CCDC7: variants seen among roughly 807,000 people sequenced by gnomAD.
CCDC7 encodes coiled-coil domain containing 7.
In CCDC7, 183 loss-of-function variants were observed where a neutral mutation model predicts 196.9. The observed-to-expected ratio is 0.93, with a 90% CI of 0.82 to 1.05. The LOEUF (loss-of-function observed/expected upper bound fraction) is 1.05, where lower values mean the gene tolerates loss of function less well. Among genes scored for constraint, CCDC7 ranks in the 50% least tolerant of loss-of-function variants. CCDC7 has a pLI of 0.00. For synonymous variants in CCDC7, 525 were observed against 484.6 expected (o/e 1.08, Z -1.10); for missense variants, 1,540 against 1,482.2 (o/e 1.04, Z -0.64).
chr10:32,845,510 C>T (rs1368976747), intron 34 of CCDC7, 33 bp from the exon 36 acceptor site: 5 of 1,526,634 alleles, frequency 3.3e-6, no homozygotes, highest in African/African-American at 2.8e-5. Flanking sequence ...GATAATCTTA[C>T]AAAATATACT....
At chr10:32,672,702 C>A (rs1182381719) in intron 21 of CCDC7, among the ~76,000 whole-genome samples, 2 of 152,118 alleles carry the variant, frequency 1.3e-5, no homozygotes, top group East Asian at 3.9e-4. Flanking sequence ...GGCTGATGCC[C>A]ATAGCCTCCA....
At chr10:32,745,307 G>T (rs570147121) in intron 28 of CCDC7, among the ~76,000 whole-genome samples, 3 of 152,236 alleles carry the variant, frequency 2.0e-5, no homozygotes, top group East Asian at 3.9e-4. Flanking sequence ...TGCTATAAAA[G>T]AATATCTGAG....
At chr10:32,565,567 C>T (rs780986035) in exon 14 of CCDC7, 21 of 1,607,654 alleles carry the variant, frequency 1.3e-5, no homozygotes, top group African/African-American at 2.7e-5. Context: ...GAAAGTAGCA[C>T]GTCTGGAAAT....
chr10:32,500,912 G>A (rs930226507), intron 9 of CCDC7, among the ~76,000 whole-genome samples: 6 of 152,162 alleles, frequency 3.9e-5, no homozygotes, highest in African/African-American at 1.2e-4. Flanking sequence ...CAGGCGTGGC[G>A]GCGCGTGCCT....
At chr10:32,637,540 A>C (rs558137816) in intron 20 of CCDC7, among the ~76,000 whole-genome samples, 6 of 152,294 alleles carry the variant, frequency 3.9e-5, no homozygotes, top group African/African-American at 1.4e-4. Context: ...AGATAGTTGT[A>C]GATATGCGGC....
intron 8 of CCDC7, among the ~76,000 whole-genome samples, chr10:32,482,356 A>T (rs1319304043): frequency 3.3e-5 from 5 of 150,790 alleles, no homozygotes; most frequent in Non-Finnish European, 7.4e-5. Context: ...TTTATTCTTT[A>T]TTCTTTTTTT....
At chr10:32,585,315 C>T (rs972724283) in intron 18 of CCDC7, among the ~76,000 whole-genome samples, 23 of 152,272 alleles carry the variant, frequency 1.5e-4, no homozygotes, top group South Asian at 2.1e-4. Context: ...CCTTATGATC[C>T]GCCCGCCTTG....
At chr10:32,556,465 A>G (rs2054366424) in intron 13 of CCDC7, among the ~76,000 whole-genome samples, 2 of 152,024 alleles carry the variant, frequency 1.3e-5, no homozygotes, top group Admixed American at 6.5e-5. Flanking sequence ...CAAATTTTTT[A>G]TCTATATCAA....
At chr10:32,563,773 T>C (rs1459569001) in intron 13 of CCDC7, among the ~76,000 whole-genome samples, 2 of 152,172 alleles carry the variant, frequency 1.3e-5, no homozygotes, top group East Asian at 1.9e-4. Flanking sequence ...CCAAAAGCAA[T>C]GGCAACAAAA....
At chr10:32,572,005 T>A in intron 16 of CCDC7, 112 bp downstream of exon 17, 1 of 968,934 alleles carries the variant, frequency 1.0e-6, no homozygotes, top group Non-Finnish European at 1.4e-6. Context: ...TCTTTGAAAC[T>A]AATTTTAAGT....
intron 18 of CCDC7, among the ~76,000 whole-genome samples, chr10:32,599,822 TG>T (rs1252383013): frequency 6.6e-6 from 1 of 152,176 alleles, no homozygotes; most frequent in Non-Finnish European, 1.5e-5. Context: ...CCTTTCTTTT[TG>T]TATATGGTAA....
intron 28 of CCDC7, among the ~76,000 whole-genome samples, chr10:32,741,938 A>G (rs2085927081): frequency 6.6e-6 from 1 of 151,984 alleles, no homozygotes; most frequent in Non-Finnish European, 1.5e-5. Context: ...GTTCCTTCTC[A>G]TTTCTAGTTA....
intron 29 of CCDC7, among the ~76,000 whole-genome samples, chr10:32,785,462 G>A (rs1277770696): frequency 1.3e-5 from 2 of 151,968 alleles, no homozygotes; most frequent in Non-Finnish European, 2.9e-5. Flanking sequence ...TCCTTAAATA[G>A]GTTTTTATAA....
At chr10:32,552,584 C>G (rs1351921871) in intron 13 of CCDC7, among the ~76,000 whole-genome samples, 1 of 152,126 alleles carries the variant, frequency 6.6e-6, no homozygotes, top group Non-Finnish European at 1.5e-5. Context: ...ATTCAGAGCT[C>G]ATTTTAGCAG....
At chr10:32,871,543 A>G (rs1290625866) in intron 41 of CCDC7, among the ~76,000 whole-genome samples, 2 of 150,758 alleles carry the variant, frequency 1.3e-5, no homozygotes, top group African/African-American at 2.5e-5. Context: ...GATCATTTCA[A>G]AAAACCAGCT....
At chr10:32,602,737 A>T (rs2061187806) in intron 18 of CCDC7, among the ~76,000 whole-genome samples, 1 of 152,208 alleles carries the variant, frequency 6.6e-6, no homozygotes, top group Non-Finnish European at 1.5e-5. Flanking sequence ...AAGTTAATAT[A>T]AGTTGAGTAA....
chr10:32,478,578 AT>A (rs2039426933), intron 8 of CCDC7, among the ~76,000 whole-genome samples: 1 of 152,058 alleles, frequency 6.6e-6, no homozygotes, highest in African/African-American at 2.4e-5. Flanking sequence ...TGATCATATG[AT>A]TTTTCTTCTT....
At chr10:32,698,174 C>T (rs2078042946) in intron 24 of CCDC7, among the ~76,000 whole-genome samples, 1 of 152,092 alleles carries the variant, frequency 6.6e-6, no homozygotes, top group Non-Finnish European at 1.5e-5. Context: ...AAAACAACAT[C>T]CACAACAAAA....
chr10:32,454,769 T>C (rs1033388843), intron 2 of CCDC7, among the ~76,000 whole-genome samples: 2 of 152,170 alleles, frequency 1.3e-5, no homozygotes, highest in African/African-American at 2.4e-5. Flanking sequence ...CTGTAGTCCT[T>C]ACCATAACTG....
Sources: allele counts gnomAD v4.1 joint callset (sites outside exome capture counted in the v4.1 genomes callset), GRCh38; gene constraint gnomAD v4.1.1; transcripts MANE v1.5; gene names NCBI Gene and HGNC (gene_info 2026-07-23, HGNC 2026-07-21).